SLMAP: variants seen among roughly 807,000 people sequenced by gnomAD.
SLMAP encodes the protein sarcolemmal membrane-associated protein.
A neutral mutation model predicts 128.8 loss-of-function variants in SLMAP; 44 were observed. The ratio of observed to expected loss-of-function variants is 0.34; its 90% confidence interval spans 0.27 to 0.44. The LOEUF is 0.44. SLMAP is among the 20% of genes least tolerant of loss of function. SLMAP has a pLI of 1.00. For missense variants in SLMAP, 787 were observed against 985.3 expected, an observed-to-expected ratio of 0.80 and a Z score of 2.69; for synonymous variants, 327 against 348.8, an observed-to-expected ratio of 0.94 and a Z score of 0.70.
Position 57,890,049 on chromosome 3 carries a change from A to G in SLMAP, c.1309A>G (p.Ile437Val). The G allele has an allele frequency of 6.2e-7, 1 of 1,612,912 alleles. No homozygotes were observed. Among genetic ancestry groups the G allele is most frequent in the Non-Finnish European group, 8.5e-7 (1 of 1,178,860 alleles). The stretch of plus-strand genomic sequence containing the variant: ...TTTATTTTCCTTGGCAGAGAAGCTG[A>G]TCGTCGAAGGGCATCTAACCAAAGC... ...HQFIECQKKL[I>V]VEGHLTKAVE... is the part of the protein sequence containing the mutation. The change falls in exon 15 of 25, where the codon ATC becomes GTC. Residue 437 changes from isoleucine to valine, a missense_variant. Transcript: ENST00000671191.
chr3:57,834,768 A>G (rs1208687289), intron 3 of SLMAP, among the ~76,000 whole-genome samples: 1 of 152,106 alleles, frequency 6.6e-6, no homozygotes, highest in East Asian at 1.9e-4. Context: ...AGATATAGAT[A>G]CAAAAAAGAA....
intron 24 of SLMAP, chr3:57,926,384 C>A (rs989244890): frequency 3.1e-5 from 5 of 160,266 alleles, no homozygotes; most frequent in African/African-American, 1.2e-4. Flanking sequence ...TTTGTTTCAA[C>A]CCTTTGCCTG....
chr3:57,807,265 C>A (rs945211921), intron 2 of SLMAP, among the ~76,000 whole-genome samples: 7 of 152,052 alleles, frequency 4.6e-5, no homozygotes. Flanking sequence ...GATATTAGAC[C>A]TTTGTCAGAT....
chr3:57,812,663 G>A (rs1467304844), intron 2 of SLMAP, among the ~76,000 whole-genome samples: 3 of 151,976 alleles, frequency 2.0e-5, no homozygotes, highest in Non-Finnish European at 4.4e-5. Flanking sequence ...GGTATTATTG[G>A]CATCTTAACA....
intron 2 of SLMAP, among the ~76,000 whole-genome samples, chr3:57,823,357 C>G (rs971504927): frequency 6.6e-6 from 1 of 152,096 alleles, no homozygotes; most frequent in East Asian, 1.9e-4. Flanking sequence ...TCTCCTAATG[C>G]TATCCCTCCC....
At chr3:57,925,123 T>A (rs907885245) in intron 23 of SLMAP, among the ~76,000 whole-genome samples, 9 of 151,686 alleles carry the variant, frequency 5.9e-5, no homozygotes, top group Non-Finnish European at 1.3e-4. Flanking sequence ...CTCAACTAAT[T>A]TTTGTATTTT....
At position 57,839,139 on chromosome 3, in the gene SLMAP, G is replaced by A. The variant is rs143376305; in HGVS notation, c.347-2160G>A. On this transcript the variant is annotated intron_variant, in intron 3 of 24. Transcript: ENST00000671191. ...TGCTAATTTTAAAATTTTTTGTAGA[G>A]AGTGGGTCTCACTATGTTGCCCAAG... 2.9e-3 allele frequency among the ~76,000 whole-genome samples: 444 copies of A among 151,810 alleles called. 4 individuals carry two copies. Among genetic ancestry groups the A allele is most frequent in the African/African-American group, 9.4e-3 (387 of 41,376 alleles).
At chr3:57,875,843 A>G (rs1014540783) in intron 14 of SLMAP, among the ~76,000 whole-genome samples, 1 of 152,234 alleles carries the variant, frequency 6.6e-6, no homozygotes, top group East Asian at 1.9e-4. Flanking sequence ...CATTGTAAAA[A>G]TTGTTGTGTT....
intron 2 of SLMAP, among the ~76,000 whole-genome samples, chr3:57,801,999 G>T (rs907724186): frequency 7.2e-5 from 11 of 152,088 alleles, no homozygotes; most frequent in African/African-American, 2.4e-4. Flanking sequence ...ATATGTGTAT[G>T]TGTATATTTA....
At chr3:57,904,398 T>C (rs561529245) in intron 17 of SLMAP, among the ~76,000 whole-genome samples, 20 of 152,258 alleles carry the variant, frequency 1.3e-4, no homozygotes, top group African/African-American at 4.8e-4. Flanking sequence ...CGCTCCAGCC[T>C]GGCCAACAGA....
intron 4 of SLMAP, 31 bp downstream of exon 4, chr3:57,841,402 G>T (rs764438957): frequency 1.3e-5 from 17 of 1,315,310 alleles, no homozygotes; most frequent in East Asian, 9.4e-5. Context: ...TGAAGTTTTT[G>T]TGAAGTTTAG....
At chr3:57,769,366 T>G (rs2080358162) in intron 2 of SLMAP, among the ~76,000 whole-genome samples, 1 of 152,064 alleles carries the variant, frequency 6.6e-6, no homozygotes, top group Admixed American at 6.6e-5. Flanking sequence ...GCCAGTTTCT[T>G]GTATTTTTAG....
intron 2 of SLMAP, among the ~76,000 whole-genome samples, chr3:57,759,748 A>C (rs1026665259): frequency 6.6e-6 from 1 of 152,238 alleles, no homozygotes. Flanking sequence ...CTCACAGTAC[A>C]TACTCTGCGA....
intron 2 of SLMAP, 91 bp downstream of exon 2, chr3:57,757,940 A>T: frequency 9.0e-6 from 10 of 1,109,406 alleles, no homozygotes; most frequent in East Asian, 2.6e-5. Context: ...GCAGGATCCC[A>T]GGGTTTGCAT....
Position 57,887,296 on chromosome 3 carries a change from C to T in SLMAP, c.1301-2745C>T, listed in dbSNP as rs190621853. 4.9e-4 allele frequency among the ~76,000 whole-genome samples: 72 copies of T among 147,576 alleles called. 1 individual carries two copies. The highest frequency in any genetic ancestry group is 1.8e-3 in the African/African-American group (71 of 39,984). ...CCAGGCTGAAGTGCAATGGTGTCAT[C>T]TCAGCTCACCTCAATCTCCGCTTCC... On this transcript the variant is annotated intron_variant, in intron 14 of 24. Transcript: ENST00000671191.
At chr3:57,877,253 C>G (rs2095625378) in intron 14 of SLMAP, among the ~76,000 whole-genome samples, 1 of 152,134 alleles carries the variant, frequency 6.6e-6, no homozygotes, top group African/African-American at 2.4e-5. Flanking sequence ...TCCCTCCTTT[C>G]TCTTAGGGCT....
intron 15 of SLMAP, among the ~76,000 whole-genome samples, chr3:57,894,274 T>C (rs528361891): frequency 6.6e-6 from 1 of 152,300 alleles, no homozygotes; most frequent in African/African-American, 2.4e-5. Flanking sequence ...TATATGCAAT[T>C]AAAAATTCAT....
intron 2 of SLMAP, among the ~76,000 whole-genome samples, chr3:57,759,165 G>A (rs2078139229): frequency 6.6e-6 from 1 of 152,110 alleles, no homozygotes; most frequent in Non-Finnish European, 1.5e-5. Flanking sequence ...TGAAGAGTAT[G>A]TTAACTTTTC....
At chr3:57,886,580 G>GT (rs769814401) in intron 14 of SLMAP, among the ~76,000 whole-genome samples, 191 of 138,420 alleles carry the variant, frequency 1.4e-3, no homozygotes, top group Middle Eastern at 3.7e-3. Context: ...AAGGCAAGAG[G>GT]TTTTTTTTTT....
Sources: allele counts gnomAD v4.1 joint callset (sites outside exome capture counted in the v4.1 genomes callset), GRCh38; gene constraint gnomAD v4.1.1; transcripts MANE v1.5; gene names NCBI Gene and HGNC (gene_info 2026-07-23, HGNC 2026-07-21).